The following ACYP2 variants were observed in gnomAD, a reference collection of about 807,000 sequenced individuals.
The protein encoded by ACYP2 is acylphosphatase-2.
In ACYP2, 12 loss-of-function variants were observed where a neutral mutation model predicts 11.2. That is an observed-to-expected ratio of 1.08 (90% CI 0.69 to 1.74). The LOEUF is 1.74. ACYP2 is among the 40% of genes most tolerant of loss of function. ACYP2 has a pLI of 0.00. For synonymous variants in ACYP2, 43 were observed against 32.2 expected, an observed-to-expected ratio of 1.33 and a Z score of -1.13; for missense variants, 134 against 101.9, an observed-to-expected ratio of 1.31 and a Z score of -1.35.
chr2:54,083,284 G>A (rs376441927), intron 4 of ACYP2, among the ~76,000 whole-genome samples: 3 of 152,086 alleles, frequency 2.0e-5, no homozygotes, highest in East Asian at 3.9e-4. Flanking sequence ...TAATCAATAC[G>A]GCCATTAGCT....
chr2:54,165,529 TCTCTCTCACACACACACACA>T (rs1425747270), intron 6 of ACYP2, among the ~76,000 whole-genome samples: 7 of 143,088 alleles, frequency 4.9e-5, no homozygotes, highest in East Asian at 4.1e-4. Flanking sequence ...TCTCTCTCTC[TCTCTCTCACACACACACACA>T]CACACACACA....
At chr2:54,124,108 A>G (rs1251935680) in intron 4 of ACYP2, among the ~76,000 whole-genome samples, 5 of 152,176 alleles carry the variant, frequency 3.3e-5, no homozygotes, top group African/African-American at 9.6e-5. Context: ...TTACAAAAAG[A>G]TTGTGATCTT....
At chr2:54,032,733 A>G (rs2104555543) in intron 2 of ACYP2, among the ~76,000 whole-genome samples, 1 of 152,316 alleles carries the variant, frequency 6.6e-6, no homozygotes, top group South Asian at 2.1e-4. Context: ...TGCTTCAAAG[A>G]GAATAAAATA....
Position 54,043,046 on chromosome 2 carries a change from C to A in ACYP2, c.63-7912C>A, listed in dbSNP as rs1250972583. ...CCTTGTTACTGTATGTGGCCAGGGA[C>A]CTTGGTTAATATGGGGTGTGTGTGG... is the stretch of plus-strand genomic sequence containing the variant. On this transcript the variant is annotated intron_variant, in intron 2 of 6. Coordinates refer to ENST00000607452, the MANE Select transcript of ACYP2 (RefSeq NM_001320586.2). 4.0e-5 allele frequency among the ~76,000 whole-genome samples: 6 copies of A among 151,818 alleles called. No individual in the cohort carries two copies. In the East Asian group the frequency reaches 1.2e-3, roughly 30 times the overall value.
chr2:54,103,106 G>A (rs1397823260), intron 4 of ACYP2, among the ~76,000 whole-genome samples: 1 of 152,162 alleles, frequency 6.6e-6, no homozygotes, highest in African/African-American at 2.4e-5. Context: ...GAGAAAGAGG[G>A]TTTGTAAAAG....
At chr2:53,991,564 C>T (rs549711769) in intron 2 of ACYP2, among the ~76,000 whole-genome samples, 1 of 151,922 alleles carries the variant, frequency 6.6e-6, no homozygotes, top group Admixed American at 6.6e-5. Context: ...CGCCACCACA[C>T]CTGGATAATT....
intron 6 of ACYP2, among the ~76,000 whole-genome samples, chr2:54,219,865 G>GTATATAGA (rs1460669241): frequency 1.6e-4 from 8 of 50,292 alleles, no homozygotes; most frequent in African/African-American, 6.0e-4. Context: ...AGATGTGTGT[G>GTATATAGA]TGTGTGTGTG....
chr2:53,982,801 T>A (rs1671833668), intron 2 of ACYP2, among the ~76,000 whole-genome samples: 1 of 150,236 alleles, frequency 6.7e-6, no homozygotes, highest in African/African-American at 2.5e-5. Flanking sequence ...TTTCACAACT[T>A]CCATACAACA....
At chr2:54,260,170 G>A (rs1411477272) in intron 6 of ACYP2, among the ~76,000 whole-genome samples, 1 of 152,156 alleles carries the variant, frequency 6.6e-6, no homozygotes, top group Non-Finnish European at 1.5e-5. Context: ...AGTGTGAGGT[G>A]TATATGCTAG....
At chr2:54,083,863 T>C (rs770029896) in intron 4 of ACYP2, among the ~76,000 whole-genome samples, 2 of 152,204 alleles carry the variant, frequency 1.3e-5, no homozygotes, top group Non-Finnish European at 2.9e-5. Flanking sequence ...GGTTTCAGTT[T>C]GGAGTAGTCT....
Position 54,022,335 on chromosome 2 carries a change from T to C in ACYP2, c.63-28623T>C, listed in dbSNP as rs544096533. On this transcript the variant is annotated intron_variant, in intron 2 of 6. Transcript: ENST00000607452. ...TAATATTTTGGGCTTTTATTTTGTT[T>C]TGTTCTGTTTTGAGACAGGGTCTCA... Among the ~76,000 whole-genome samples the C allele has an allele frequency of 1.3e-4, 20 of 152,276 alleles. No homozygotes were observed. The South Asian group carries it at 4.1e-3, about 32-fold the overall frequency.
chr2:54,051,876 C>A, intron 3 of ACYP2: 3 of 262,610 alleles, frequency 1.1e-5, no homozygotes, highest in Admixed American at 5.4e-5. Context: ...AAAACCCTGC[C>A]TTTACTAAAA....
At chr2:54,296,623 T>C (rs1689534424) in intron 6 of ACYP2, among the ~76,000 whole-genome samples, 1 of 152,178 alleles carries the variant, frequency 6.6e-6, no homozygotes, top group South Asian at 2.1e-4. Flanking sequence ...AAAAAATGCA[T>C]CCATAATGAA....
At chr2:54,126,716 G>C (rs1680530896) in intron 4 of ACYP2, among the ~76,000 whole-genome samples, 1 of 151,976 alleles carries the variant, frequency 6.6e-6, no homozygotes, top group South Asian at 2.1e-4. Flanking sequence ...GGGAGGCCTA[G>C]GCGGGCGGAT....
chr2:54,244,611 C>T (rs1686871447), intron 6 of ACYP2, among the ~76,000 whole-genome samples: 1 of 152,176 alleles, frequency 6.6e-6, no homozygotes, highest in Non-Finnish European at 1.5e-5. Context: ...CTTGATTTGT[C>T]TATTCCTGTG....
intron 2 of ACYP2, among the ~76,000 whole-genome samples, chr2:54,020,966 A>G (rs923434143): frequency 6.6e-6 from 1 of 152,220 alleles, no homozygotes. Context: ...TTTCTCAGCA[A>G]GGCAATTTTT....
intron 6 of ACYP2, among the ~76,000 whole-genome samples, chr2:54,251,588 TA>T (rs34632511): frequency 0.48 from 72,330 of 151,914 alleles, 18,225 homozygotes; most frequent in African/African-American, 0.65. Flanking sequence ...CTTACCACCC[TA>T]AAAGTTTATT....
chr2:54,246,489 T>C (rs1299645020), intron 6 of ACYP2, among the ~76,000 whole-genome samples: 1 of 152,094 alleles, frequency 6.6e-6, no homozygotes, highest in African/African-American at 2.4e-5. Flanking sequence ...TCTTTTTCTG[T>C]TGCTATTGTA....
chr2:54,107,595 G>A (rs1473830485), intron 4 of ACYP2, among the ~76,000 whole-genome samples: 1 of 152,188 alleles, frequency 6.6e-6, no homozygotes, highest in East Asian at 1.9e-4. Flanking sequence ...AACAGAAATT[G>A]TTTAACACTG....
Sources: gnomAD v4.1 joint callset for allele counts (sites outside exome capture counted in the v4.1 genomes callset) on GRCh38, gnomAD v4.1.1 for gene constraint, MANE v1.5 for transcripts, NCBI Gene and HGNC (gene_info 2026-07-23, HGNC 2026-07-21) for gene names.